Variants in ABCA13 observed in about 807,000 individuals in gnomAD.
ABCA13 encodes the protein ATP binding cassette subfamily A member 13, also known as ATP-binding cassette sub-family A member 13.
ABCA13 carries 476 observed loss-of-function variants against 478.7 expected under a neutral mutation model. The ratio of observed to expected loss-of-function variants is 0.99; its 90% confidence interval spans 0.92 to 1.07. ABCA13 has a LOEUF of 1.07. Ranked by LOEUF, ABCA13 falls within the 50% of genes least tolerant of loss-of-function variation. The pLI is 0.00. For missense variants in ABCA13, 6,060 were observed against 5,910.6 expected (o/e 1.03, Z -0.83); for synonymous variants, 2,252 against 2,158.9 (o/e 1.04, Z -1.20).
intron 20 of ABCA13, among the ~76,000 whole-genome samples, chr7:48,290,518 T>C (rs771706718): frequency 1.3e-5 from 2 of 152,194 alleles, no homozygotes; most frequent in Admixed American, 6.5e-5. Context: ...CTGAAGAAAC[T>C]TGGAATTTTT....
In ABCA13 at chr7:48,376,586, C is replaced by T. The variant is rs1176818053; in HGVS notation, c.11335+14C>T. 1 of 1,612,496 alleles carries T rather than the reference C, an allele frequency of 6.2e-7. No individual in the cohort carries two copies. The highest frequency in any genetic ancestry group is 1.1e-5 in the South Asian group (1 of 90,766). ...ACTTGATTCCTGGTAAGAATTTTGC[C>T]TTTTGTAAGATAACACAATAAATTT... On this transcript the variant is annotated intron_variant, in intron 35 of 61. Transcript: ENST00000435803.
At chr7:48,572,380 A>G (rs1228255939) in intron 55 of ABCA13, among the ~76,000 whole-genome samples, 9 of 152,090 alleles carry the variant, frequency 5.9e-5, no homozygotes. Flanking sequence ...GTACAGCAGC[A>G]TGATCATAGC....
At chr7:48,266,855 C>T (rs1308912062) in intron 15 of ABCA13, among the ~76,000 whole-genome samples, 1 of 151,926 alleles carries the variant, frequency 6.6e-6, no homozygotes, top group Non-Finnish European at 1.5e-5. Context: ...ATTTTAGAGG[C>T]ATCCCACAAA....
At position 48,303,044 on chromosome 7, in the gene ABCA13, A is replaced by G. The variant is rs144156152; in HGVS notation, c.9321+4557A>G. The stretch of plus-strand genomic sequence containing the variant: ...TAATAATCATTCTAATTGGTGTGAG[A>G]TGGCATCTCATTGTGGTTTTGATTT... On this transcript the variant is annotated intron_variant, in intron 23 of 61. Coordinates refer to ENST00000435803, the MANE Select transcript of ABCA13 (RefSeq NM_152701.5). 6.4e-3 allele frequency among the ~76,000 whole-genome samples: 978 copies of G among 152,256 alleles called. 8 individuals carry two copies. The highest frequency in any genetic ancestry group is 0.022 in the African/African-American group (927 of 41,548).
At chr7:48,469,872 A>T (rs1017217301) in intron 44 of ABCA13, among the ~76,000 whole-genome samples, 2 of 151,332 alleles carry the variant, frequency 1.3e-5, no homozygotes, top group African/African-American at 2.4e-5. Context: ...GTGAGCCGAG[A>T]TTGTGCCATT....
chr7:48,403,829 A>G lies in ABCA13; in HGVS notation c.12020A>G (p.Asp4007Gly), dbSNP rs1370252556. The G allele has an allele frequency of 1.2e-6, 2 of 1,613,698 alleles. No individual in the cohort carries two copies. The highest frequency in any genetic ancestry group is 1.3e-5 in the African/African-American group (1 of 74,996). The change falls in exon 39 of 62, where the codon GAC (aspartate) becomes GGC (glycine). Residue 4007 changes from aspartate to glycine, a missense_variant. Physicochemically the swap from Asp to Gly is moderately conservative, Grantham distance 94 (BLOSUM62 -1). Transcript: ENST00000435803. The part of the protein sequence containing the change: ...VVLDEPTSGV[D>G]PCSRHSLWDI... ...CTGGATGAGCCCACCAGTGGGGTGG[A>G]CCCTTGCTCCCGGCATAGCCTGTGG...
intron 19 of ABCA13, among the ~76,000 whole-genome samples, chr7:48,287,579 A>G (rs1797937649): frequency 6.6e-6 from 1 of 152,188 alleles, no homozygotes; most frequent in Non-Finnish European, 1.5e-5. Flanking sequence ...TCATCCTTCA[A>G]ACTGGGGCAC....
chr7:48,234,247 G>A, intron 8 of ABCA13, 96 bp downstream of exon 8: 2 of 1,566,418 alleles, frequency 1.3e-6, no homozygotes, highest in Non-Finnish European at 1.8e-6. Context: ...TGCCACGGGA[G>A]AGGCAGCCAG....
At position 48,375,602 on chromosome 7, in the gene ABCA13, G is replaced by A. The variant is rs1391948960; in HGVS notation, c.11204-839G>A. On this transcript the variant is annotated intron_variant, in intron 34 of 61. Coordinates refer to ENST00000435803, the MANE Select transcript of ABCA13 (RefSeq NM_152701.5). The stretch of plus-strand genomic sequence containing the variant: ...ACAGACATATATTTCATAGATATTT[G>A]TATGGTTTTTTTTGGGGGGGGGTGT... Among the ~76,000 whole-genome samples, 8 of 151,754 alleles carry A rather than the reference G, an allele frequency of 5.3e-5. No individual in the cohort carries two copies. The South Asian group carries it at 1.7e-3, about 32-fold the overall frequency.
chr7:48,472,527 T>G (rs533041226), intron 45 of ABCA13, among the ~76,000 whole-genome samples: 8 of 152,272 alleles, frequency 5.3e-5, no homozygotes, highest in African/African-American at 1.9e-4. Flanking sequence ...ATGAAGTTAT[T>G]TGTCTCATGG....
intron 55 of ABCA13, among the ~76,000 whole-genome samples, chr7:48,542,276 C>G (rs1833992663): frequency 6.6e-6 from 1 of 151,746 alleles, no homozygotes; most frequent in Non-Finnish European, 1.5e-5. Flanking sequence ...AGAAACAAGA[C>G]TGTTTATCAT....
chr7:48,310,035 A>G lies in ABCA13; in HGVS notation c.9410A>G (p.Lys3137Arg), dbSNP rs750716686. 4 of 1,613,920 alleles carry G rather than the reference A, an allele frequency of 2.5e-6. No homozygotes were observed. Among genetic ancestry groups the G allele is most frequent in the Non-Finnish European group, 3.4e-6 (4 of 1,179,828 alleles). Reference sequence around the variant, plus strand: ...CTGCTGACATTTCCCAAAGGGGAAAAATCTTGGATCGCAGCGGAGGAACTC... The same window carrying G: ...CTGCTGACATTTCCCAAAGGGGAAAGATCTTGGATCGCAGCGGAGGAACTC... ...HLLLTFPKGE[K>R]SWIAAEELCS... is the part of the protein sequence containing the mutation. The change falls in exon 24 of 62, where the codon AAA (lysine) becomes AGA (arginine). Residue 3137 changes from lysine (K) to arginine (R), a missense_variant. Transcript: ENST00000435803.
At position 48,240,933 on chromosome 7, in the gene ABCA13, G is replaced by T; in HGVS notation, c.1129G>T (p.Glu377Ter). ...ACTCACAGGCATGGGCCATAGTCTG[G>T]AGGCTCTCAGGAATCAGTTTGAAGA... is the stretch of plus-strand genomic sequence containing the variant. Reference protein sequence around the residue: ...KTLTGMGHSLEALRNQFEEES... With the variant: ...KTLTGMGHSL The change falls in exon 10 of 62, where the codon GAG (glutamate) becomes TAG (stop). Residue 377 changes from glutamate (E) to a stop codon, truncating the protein, a stop_gained. Transcript: ENST00000435803. LOFTEE classifies it high-confidence loss of function. 6.2e-7 allele frequency: 1 copy of T among 1,613,286 alleles called. No homozygotes were observed. Among genetic ancestry groups the T allele is most frequent in the Non-Finnish European group, 8.5e-7 (1 of 1,179,424 alleles).
chr7:48,224,911 C>G (rs1787931724), intron 5 of ABCA13, among the ~76,000 whole-genome samples: 1 of 152,150 alleles, frequency 6.6e-6, no homozygotes, highest in Non-Finnish European at 1.5e-5. Context: ...AATAAGCCAC[C>G]TATATACAAG....
At chr7:48,442,704 C>T (rs1478038413) in intron 42 of ABCA13, among the ~76,000 whole-genome samples, 2 of 152,212 alleles carry the variant, frequency 1.3e-5, no homozygotes, top group Non-Finnish European at 2.9e-5. Flanking sequence ...TTGGGTTTCA[C>T]CCCCAAATCT....
chr7:48,507,842 T>C, intron 49 of ABCA13, 30 bp from the exon 50 acceptor site: 1 of 1,559,932 alleles, frequency 6.4e-7, no homozygotes, highest in Non-Finnish European at 8.7e-7. Flanking sequence ...CTTCGTCAGG[T>C]GCCTGAGAGC....
At chr7:48,189,444 C>A (rs1374289587) in intron 1 of ABCA13, among the ~76,000 whole-genome samples, 1 of 152,098 alleles carries the variant, frequency 6.6e-6, no homozygotes, top group Non-Finnish European at 1.5e-5. Flanking sequence ...AAATTCAGAA[C>A]AATGAAAGAT....
At position 48,274,484 on chromosome 7, in the gene ABCA13, C is replaced by T; in HGVS notation, c.4818C>T (p.Phe1606=). The change falls in exon 17 of 62, where the codon TTC becomes TTT. Residue 1606 remains phenylalanine, a synonymous_variant. Coordinates refer to ENST00000435803, the MANE Select transcript of ABCA13 (RefSeq NM_152701.5). ...ATCACTTAGCTAGTTACCTTGCCTT[C>T]AGCTTATCTCATGACCTCCAAAATT... ...SIYHLASYLA[F]SLSHDLQNSP... 6.2e-7 allele frequency: 1 copy of T among 1,613,866 alleles called. No individual in the cohort carries two copies.
At chr7:48,611,339 T>C (rs1463443930) in intron 58 of ABCA13, among the ~76,000 whole-genome samples, 1 of 152,226 alleles carries the variant, frequency 6.6e-6, no homozygotes, top group Admixed American at 6.5e-5. Context: ...CCCTCCAAAC[T>C]GTTCCAACCT....
Sources: gnomAD v4.1 joint callset for allele counts (sites outside exome capture counted in the v4.1 genomes callset) on GRCh38, gnomAD v4.1.1 for gene constraint, MANE v1.5 for transcripts, NCBI Gene and HGNC (gene_info 2026-07-23, HGNC 2026-07-21) for gene names.